Variants in MFHAS1 observed in about 807,000 individuals in gnomAD.
MFHAS1 encodes malignant fibrous histiocytoma-amplified sequence 1.
Under a neutral mutation model 70.4 loss-of-function variants are expected in MFHAS1, and 50 were observed. The observed-to-expected ratio is 0.71, with a 90% CI of 0.57 to 0.90. The LOEUF (loss-of-function observed/expected upper bound fraction) is 0.90. Ranked by LOEUF, MFHAS1 falls within the 40% of genes least tolerant of loss-of-function variation. MFHAS1 has a pLI of 0.00. For synonymous variants in MFHAS1, 952 were observed against 620.0 expected (o/e 1.54, Z -7.96); for missense variants, 1,795 against 1,347.6 (o/e 1.33, Z -5.20).
chr8:8,846,298 AGAAGGAGGAGGG>A (rs1314789447), intron 1 of MFHAS1, among the ~76,000 whole-genome samples: 4 of 103,294 alleles, frequency 3.9e-5, no homozygotes, highest in African/African-American at 1.7e-4. Context: ...GAGGAGGATA[AGAAGGAGGAGGG>A]GAAGGAGGAG....
rs55756300 is a variant in MFHAS1, at chr8:8,796,688, C to CAAAAA, written c.3125+672_3125+676dup. On this transcript the variant is annotated intron_variant, in intron 2 of 2. Transcript: ENST00000276282. ...GACAGAGCAAGACTCCGTCTCAAAA[C>CAAAAA]AAAAAAAAAAAAAAAGGCAAAAAAA... Among the ~76,000 whole-genome samples the CAAAAA allele has an allele frequency of 1.1e-3, 26 of 24,758 alleles. 8 individuals carry two copies. The highest frequency in any genetic ancestry group is 4.3e-3 in the African/African-American group (25 of 5,872). 16.2% of individuals were successfully genotyped at this position (24,758 alleles called of 152,430 possible). A position where few individuals can be genotyped will look rare whatever the true frequency, so the allele number is the denominator to read the frequency against.
At chr8:8,887,837 G>A (rs1297395834) in intron 1 of MFHAS1, among the ~76,000 whole-genome samples, 1 of 131,392 alleles carries the variant, frequency 7.6e-6, no homozygotes, top group Non-Finnish European at 1.6e-5. Flanking sequence ...TAAACATAAA[G>A]AGCTGACGTT....
Position 8,890,244 on chromosome 8 carries a change from C to A in MFHAS1, c.2815G>T (p.Asp939Tyr). 13 of 1,614,166 alleles carry A rather than the reference C, an allele frequency of 8.1e-6. No individual in the cohort carries two copies. Among genetic ancestry groups the A allele is most frequent in the Non-Finnish European group, 1.1e-5 (13 of 1,180,018 alleles). ...YRPARGVLQP[D>Y]TLSIASHASL... ...GCATGGCTAGCAATGGACAGGGTGT[C>A]TGGCTGCAGGACTCCCCTGGCAGGT... is the stretch of plus-strand genomic sequence containing the variant. The change falls in exon 1 of 3, where the codon GAC (aspartate) becomes TAC (tyrosine). Residue 939 changes from aspartate (D) to tyrosine (Y), a missense_variant. Transcript: ENST00000276282.
intron 1 of MFHAS1, among the ~76,000 whole-genome samples, chr8:8,884,946 C>T (rs891461624): frequency 6.6e-6 from 1 of 152,010 alleles, no homozygotes; most frequent in Non-Finnish European, 1.5e-5. Context: ...GAGTGAGACC[C>T]TGCCCCCACC....
intron 2 of MFHAS1, among the ~76,000 whole-genome samples, chr8:8,792,977 G>A (rs999834363): frequency 6.6e-6 from 1 of 152,158 alleles, no homozygotes; most frequent in African/African-American, 2.4e-5. Context: ...TTCAAAGCAT[G>A]GAAATGACTC....
At chr8:8,811,339 G>A (rs906977689) in intron 1 of MFHAS1, among the ~76,000 whole-genome samples, 1 of 150,752 alleles carries the variant, frequency 6.6e-6, no homozygotes, top group African/African-American at 2.5e-5. Context: ...ATAGGGTCTT[G>A]CGCTGTCACC....
In MFHAS1 at chr8:8,891,978, A is replaced by G. The variant is rs1376758488; in HGVS notation, c.1081T>C (p.Phe361Leu). 1.9e-6 allele frequency: 3 copies of G among 1,612,860 alleles called. No homozygotes were observed. Among genetic ancestry groups the G allele is most frequent in the Non-Finnish European group, 2.5e-6 (3 of 1,179,584 alleles). The change falls in exon 1 of 3, where the codon TTT becomes CTT. Residue 361 changes from phenylalanine to leucine, a missense_variant. Phe to Leu is a conservative substitution (Grantham distance 22). Transcript: ENST00000276282. The surrounding 1 kb of genome is among the most constrained non-coding windows in gnomAD (Gnocchi z 5.4). The part of the protein sequence containing the change: ...GNQIAVLPDH[F>L]GQLSRVGLWK... ...AAACCCACCCGGGAGAGCTGGCCAA[A>G]GTGGTCGGGCAGCACCGCGATCTGG... is the stretch of plus-strand genomic sequence containing the variant.
At chr8:8,869,371 G>T (rs1426407163) in intron 1 of MFHAS1, among the ~76,000 whole-genome samples, 1 of 152,082 alleles carries the variant, frequency 6.6e-6, no homozygotes, top group Admixed American at 6.6e-5. Flanking sequence ...GAACTCCGGG[G>T]CACGCTACAT....
At chr8:8,843,754 C>T (rs556252447) in intron 1 of MFHAS1, among the ~76,000 whole-genome samples, 34 of 152,270 alleles carry the variant, frequency 2.2e-4, no homozygotes, top group Admixed American at 1.2e-3. Flanking sequence ...CACCTGCTCC[C>T]ATAAACATCA....
At chr8:8,819,963 G>T (rs1045410779) in intron 1 of MFHAS1, among the ~76,000 whole-genome samples, 1 of 152,148 alleles carries the variant, frequency 6.6e-6, no homozygotes, top group South Asian at 2.1e-4. Context: ...CTCCCAAAGT[G>T]TTGGGACTGC....
chr8:8,864,060 A>G (rs761410622), intron 1 of MFHAS1, among the ~76,000 whole-genome samples: 14 of 152,146 alleles, frequency 9.2e-5, no homozygotes, highest in Non-Finnish European at 2.1e-4. Flanking sequence ...TTCCCACTAT[A>G]TAAGCCCCCA....
chr8:8,891,962 C>G lies in MFHAS1; in HGVS notation c.1097G>C (p.Arg366Pro). Residue 366 changes from arginine (R) to proline (P), a missense_variant, in exon 1 of 3, where the codon CGG becomes CCG. Transcript: ENST00000276282. This position sits in a 1 kb window ranked among gnomAD's most constrained non-coding sequence, Gnocchi z 5.4. Reference sequence around the variant, plus strand: ...GTCTTTGATCTTCCACAAACCCACCCGGGAGAGCTGGCCAAAGTGGTCGGG... The same window carrying G: ...GTCTTTGATCTTCCACAAACCCACCGGGGAGAGCTGGCCAAAGTGGTCGGG... ...VLPDHFGQLS[R>P]VGLWKIKDNP... The G allele has an allele frequency of 6.2e-7, 1 of 1,612,052 alleles. No individual in the cohort carries two copies. Among genetic ancestry groups the G allele is most frequent in the Non-Finnish European group, 8.5e-7 (1 of 1,179,108 alleles).
At chr8:8,884,512 A>G (rs1809673767) in intron 1 of MFHAS1, among the ~76,000 whole-genome samples, 1 of 152,206 alleles carries the variant, frequency 6.6e-6, no homozygotes, top group South Asian at 2.1e-4. Context: ...AGTGGTCAAA[A>G]TGAAGGACCC....
chr8:8,826,585 T>C (rs1392602746), intron 1 of MFHAS1, among the ~76,000 whole-genome samples: 2 of 151,984 alleles, frequency 1.3e-5, no homozygotes, highest in African/African-American at 2.4e-5. Context: ...ATACAAAAAT[T>C]AGCCGAGCGT....
At chr8:8,865,858 T>C (rs911252347) in intron 1 of MFHAS1, among the ~76,000 whole-genome samples, 6 of 152,242 alleles carry the variant, frequency 3.9e-5, no homozygotes, top group African/African-American at 1.4e-4. Flanking sequence ...AAGTGGTGTC[T>C]ATTATTTCTC....
intron 1 of MFHAS1, among the ~76,000 whole-genome samples, chr8:8,880,723 C>T (rs1235789336): frequency 2.7e-5 from 4 of 150,266 alleles, no homozygotes; most frequent in South Asian, 2.1e-4. Flanking sequence ...CTTGTTTTGT[C>T]GCCCAGGTTG....
At chr8:8,853,148 C>G (rs1585052625) in intron 1 of MFHAS1, among the ~76,000 whole-genome samples, 3 of 151,912 alleles carry the variant, frequency 2.0e-5, no homozygotes, top group African/African-American at 7.3e-5. Flanking sequence ...CTCTTGCCAC[C>G]CACTCAGGCT....
chr8:8,890,833 C>A lies in MFHAS1; in HGVS notation c.2226G>T (p.Gln742His), dbSNP rs570199760. The A allele has an allele frequency of 1.2e-6, 2 of 1,614,216 alleles. No homozygotes were observed. Among genetic ancestry groups the A allele is most frequent in the Non-Finnish European group, 1.7e-6 (2 of 1,180,050 alleles). Residue 742 changes from glutamine (Q) to histidine (H), a missense_variant, in exon 1 of 3, where the codon CAG becomes CAT. Transcript: ENST00000276282. ...TATGCAGCAGCAAAGAGGGATCCCT[C>A]TGGAAGAAGACATTGAGGATGTCGA... ...RLIDILNVFF[Q>H]RDPSLLLHKL...
At position 8,890,849 on chromosome 8, in the gene MFHAS1, A is replaced by C. The variant is rs775927622; in HGVS notation, c.2210T>G (p.Leu737Arg). ...FHNLTRLIDI[L>R]NVFFQRDPSL... ...GGGATCCCTCTGGAAGAAGACATTG[A>C]GGATGTCGATGAGGCGGGTGAGGTT... Residue 737 changes from leucine (L) to arginine (R), a missense_variant, in exon 1 of 3, where the codon CTC becomes CGC. Coordinates refer to ENST00000276282, the MANE Select transcript of MFHAS1 (RefSeq NM_004225.3). 1 of 1,614,188 alleles carries C rather than the reference A, an allele frequency of 6.2e-7. No homozygotes were observed. Among genetic ancestry groups the C allele is most frequent in the South Asian group, 1.1e-5 (1 of 91,082 alleles).
Sources: allele counts gnomAD v4.1 joint callset (sites outside exome capture counted in the v4.1 genomes callset), GRCh38; gene constraint gnomAD v4.1.1; non-coding constraint Gnocchi (gnomAD v3.1); transcripts MANE v1.5; gene names NCBI Gene and HGNC (gene_info 2026-07-23, HGNC 2026-07-21).